Variants in DZIP3 observed in about 807,000 individuals in gnomAD.
DZIP3 encodes the protein E3 ubiquitin-protein ligase DZIP3.
DZIP3 carries 118 observed loss-of-function variants against 162.0 expected under a neutral mutation model. That is an observed-to-expected ratio of 0.73 (90% CI 0.63 to 0.85). The LOEUF is 0.85. Ranked by LOEUF, DZIP3 falls within the 40% of genes least tolerant of loss-of-function variation. The pLI, the probability that DZIP3 is intolerant of heterozygous loss-of-function variation, is 0.00. For missense variants in DZIP3, 1,331 were observed against 1,407.0 expected, an observed-to-expected ratio of 0.95 and a Z score of 0.86; for synonymous variants, 438 against 458.6, an observed-to-expected ratio of 0.96 and a Z score of 0.57.
chr3:108,670,718 T>G (rs1943896119), intron 22 of DZIP3, among the ~76,000 whole-genome samples: 1 of 151,932 alleles, frequency 6.6e-6, no homozygotes, highest in Non-Finnish European at 1.5e-5. Context: ...TCCAAGTAGC[T>G]GCACCATTTT....
intron 5 of DZIP3, among the ~76,000 whole-genome samples, chr3:108,622,923 G>C: frequency 6.8e-6 from 1 of 147,182 alleles, no homozygotes; most frequent in South Asian, 2.2e-4. Flanking sequence ...GCTGGGGGAG[G>C]GGTGACACAA....
chr3:108,690,816 G>A lies in DZIP3; in HGVS notation c.3546G>A (p.Gly1182=), dbSNP rs1032300342. The change falls in exon 32 of 33, where the codon GGG becomes GGA. Residue 1182 remains glycine (G), a synonymous_variant. Transcript: ENST00000361582. ...QCIRPWLMQQ[G]TCPTCRLHVL... ...TTAGACCATGGTTGATGCAACAGGG[G>A]ACATGTCCAACGTGCAGACTCCACG... The A allele has an allele frequency of 1.2e-6, 2 of 1,613,962 alleles. No homozygotes were observed. The highest frequency in any genetic ancestry group is 1.3e-5 in the African/African-American group (1 of 74,916).
intron 5 of DZIP3, among the ~76,000 whole-genome samples, chr3:108,621,042 C>T (rs927183848): frequency 6.6e-5 from 10 of 152,066 alleles, no homozygotes; most frequent in Non-Finnish European, 1.2e-4. Flanking sequence ...AGGATGGTCT[C>T]GATGTCCTGA....
At chr3:108,613,161 T>C (rs969792689) in intron 4 of DZIP3, among the ~76,000 whole-genome samples, 7 of 150,556 alleles carry the variant, frequency 4.6e-5, no homozygotes, top group African/African-American at 1.8e-4. Flanking sequence ...CTGAATGGAA[T>C]AGTACATGTA....
intron 3 of DZIP3, among the ~76,000 whole-genome samples, chr3:108,608,777 T>C (rs1204847732): frequency 6.6e-6 from 1 of 152,224 alleles, no homozygotes; most frequent in Non-Finnish European, 1.5e-5. Context: ...TAATTTTACC[T>C]TCCACATAGT....
intron 1 of DZIP3, among the ~76,000 whole-genome samples, chr3:108,603,460 A>G (rs1428865096): frequency 6.6e-6 from 1 of 152,168 alleles, no homozygotes; most frequent in African/African-American, 2.4e-5. Context: ...TCAGTATTTG[A>G]ACAGAGAATA....
chr3:108,603,613 A>G (rs565725479), intron 1 of DZIP3, among the ~76,000 whole-genome samples: 81 of 152,352 alleles, frequency 5.3e-4, no homozygotes, highest in African/African-American at 1.9e-3. Flanking sequence ...TGAGCAAGAA[A>G]TTAAGAGATA....
intron 23 of DZIP3, among the ~76,000 whole-genome samples, chr3:108,673,679 A>G (rs1944003831): frequency 6.6e-6 from 1 of 151,980 alleles, no homozygotes; most frequent in Admixed American, 6.6e-5. Flanking sequence ...AAAAGAATAG[A>G]TAGCAGGAGT....
intron 1 of DZIP3, 30 bp from the exon 2 acceptor site, chr3:108,605,305 A>G (rs1279699592): frequency 2.7e-6 from 4 of 1,476,440 alleles, no homozygotes; most frequent in Non-Finnish European, 2.8e-6. Flanking sequence ...TAACTTTCCT[A>G]TCTTCATAAA....
intron 31 of DZIP3, among the ~76,000 whole-genome samples, chr3:108,689,359 G>T (rs1037685181): frequency 6.6e-6 from 1 of 152,226 alleles, no homozygotes; most frequent in South Asian, 2.1e-4. Context: ...TTCTATATTT[G>T]CTTTTGAAAG....
At chr3:108,687,413 T>A (rs1944536480) in intron 28 of DZIP3, among the ~76,000 whole-genome samples, 1 of 152,174 alleles carries the variant, frequency 6.6e-6, no homozygotes, top group Non-Finnish European at 1.5e-5. Context: ...TTTGGATCAA[T>A]GGATCTTGGG....
intron 6 of DZIP3, among the ~76,000 whole-genome samples, chr3:108,624,849 A>G (rs1178097734): frequency 6.6e-6 from 1 of 152,134 alleles, no homozygotes; most frequent in African/African-American, 2.4e-5. Flanking sequence ...TCTGGGAATT[A>G]ACTAGATAAT....
At chr3:108,607,979 A>C in intron 2 of DZIP3, 110 bp from the exon 3 acceptor site, 1 of 908,536 alleles carries the variant, frequency 1.1e-6, no homozygotes, top group Non-Finnish European at 1.8e-6. Context: ...TCTTTGATAC[A>C]TTTTGGTTAC....
rs562755301 is a variant in DZIP3, at chr3:108,689,412, G to A, written c.3516+488G>A. On this transcript the variant is annotated intron_variant, in intron 31 of 32. Coordinates refer to ENST00000361582, the MANE Select transcript of DZIP3 (RefSeq NM_014648.4). ...TTGATGTTAGAAAAATGTGAGGCAT[G>A]GTGGCTCACACCTGTAATCCCAGCA... Among the ~76,000 whole-genome samples the A allele has an allele frequency of 5.9e-4, 90 of 152,318 alleles. 2 individuals carry two copies. In the Middle Eastern group the frequency reaches 0.014, roughly 23 times the overall value.
At chr3:108,621,054 C>T (rs1257900190) in intron 5 of DZIP3, among the ~76,000 whole-genome samples, 1 of 152,162 alleles carries the variant, frequency 6.6e-6, no homozygotes, top group Non-Finnish European at 1.5e-5. Context: ...ATGTCCTGAC[C>T]TTGTAATCTG....
intron 5 of DZIP3, among the ~76,000 whole-genome samples, chr3:108,621,476 A>G (rs1049027135): frequency 2.0e-5 from 3 of 152,196 alleles, no homozygotes; most frequent in African/African-American, 4.8e-5. Flanking sequence ...AAAATGTACA[A>G]TGAATTATTG....
At chr3:108,631,096 T>C (rs1413479246) in intron 8 of DZIP3, among the ~76,000 whole-genome samples, 1 of 26,414 alleles carries the variant, frequency 3.8e-5, no homozygotes, top group African/African-American at 1.7e-4. Flanking sequence ...CTCTCTCTCC[T>C]ATCCTACTGG....
chr3:108,637,108 G>A (rs746404459), intron 11 of DZIP3, among the ~76,000 whole-genome samples: 6 of 151,888 alleles, frequency 4.0e-5, no homozygotes, highest in Admixed American at 3.9e-4. Context: ...TATAGTACCT[G>A]TTACATAAAA....
chr3:108,624,341 T>G (rs1941498735), intron 5 of DZIP3, 103 bp from the exon 6 acceptor site: 1 of 633,134 alleles, frequency 1.6e-6, no homozygotes, highest in African/African-American at 1.9e-5. Context: ...AATTTTTACT[T>G]GTTTTAATAA....
Sources: gnomAD v4.1 joint callset for allele counts (sites outside exome capture counted in the v4.1 genomes callset) on GRCh38, gnomAD v4.1.1 for gene constraint, MANE v1.5 for transcripts, NCBI Gene and HGNC (gene_info 2026-07-23, HGNC 2026-07-21) for gene names.